CPNE1: variants seen among roughly 807,000 people sequenced by gnomAD.
CPNE1 encodes copine-1.
In CPNE1, 58 loss-of-function variants were observed where a neutral mutation model predicts 63.2. The observed-to-expected ratio is 0.92, with a 90% confidence interval of 0.74 to 1.14. The LOEUF (loss-of-function observed/expected upper bound fraction) is 1.14, where lower values mean the gene tolerates loss of function less well. Ranked by LOEUF, CPNE1 falls within the 50% of genes most tolerant of loss-of-function variation. CPNE1 has a pLI of 0.00. For synonymous variants in CPNE1, 237 were observed against 249.0 expected (o/e 0.95, Z 0.45); for missense variants, 672 against 661.7 (o/e 1.02, Z -0.17).
intron 1 of CPNE1, chr20:35,655,462 G>A: frequency 2.4e-6 from 2 of 819,942 alleles, no homozygotes; most frequent in Non-Finnish European, 3.7e-6. Context: ...AGCTATCACA[G>A]GCAATGTCTT....
chr20:35,646,252 CAAAAAAAAAAAAAA>C (rs549372063), intron 1 of CPNE1, among the ~76,000 whole-genome samples: 100 of 58,364 alleles, frequency 1.7e-3, no homozygotes, highest in Non-Finnish European at 2.9e-3. Flanking sequence ...AAGACCATCT[CAAAAAAAAAAAAAA>C]AAAAAAAAAA....
intron 1 of CPNE1, among the ~76,000 whole-genome samples, chr20:35,633,614 C>T (rs1294269819): frequency 6.6e-6 from 1 of 152,172 alleles, no homozygotes; most frequent in Non-Finnish European, 1.5e-5. Context: ...CCCATGTCCA[C>T]CCCAACAGGC....
intron 1 of CPNE1, among the ~76,000 whole-genome samples, chr20:35,641,835 A>T (rs1348822742): frequency 2.0e-5 from 3 of 152,246 alleles, no homozygotes; most frequent in Non-Finnish European, 4.4e-5. Context: ...CTCCTGCCAC[A>T]CAGCATATAC....
At chr20:35,637,561 G>A (rs2032557651) in intron 1 of CPNE1, among the ~76,000 whole-genome samples, 1 of 151,872 alleles carries the variant, frequency 6.6e-6, no homozygotes, top group African/African-American at 2.4e-5. Context: ...GTTCTAATAT[G>A]ACATTATTCC....
At chr20:35,647,897 GA>G (rs11481740) in intron 1 of CPNE1, among the ~76,000 whole-genome samples, 7,115 of 98,692 alleles carry the variant, frequency 0.072, 435 homozygotes, top group African/African-American at 0.2. Context: ...TACTAAAAAT[GA>G]AAAAAAAAAA....
chr20:35,654,768 G>T (rs1236794658), intron 1 of CPNE1: 1 of 1,613,874 alleles, frequency 6.2e-7, no homozygotes, highest in South Asian at 1.1e-5. Flanking sequence ...GTGGCGGCGG[G>T]ACTGTGTTCA....
rs558686471 is a variant in CPNE1, at chr20:35,652,399, T to C, written c.-1+12361A>G. On this transcript the variant is annotated intron_variant, in intron 1 of 15. Transcript: ENST00000397443. ...AACAGTCAACCAATGCTCTATGTTA[T>C]GGAAACCAAGCTATATGCAATTGAA... 6.2e-5 allele frequency: 73 copies of C among 1,169,932 alleles called. No individual in the cohort carries two copies. The South Asian group carries it at 1.0e-3, about 16-fold the overall frequency. 72.5% of individuals were successfully genotyped at this position (1,169,932 alleles called of 1,614,324 possible).
At chr20:35,644,591 A>ATAATCTGTCCTAAGTCACATAACTT (rs1400532860) in intron 1 of CPNE1, among the ~76,000 whole-genome samples, 1 of 152,228 alleles carries the variant, frequency 6.6e-6, no homozygotes, top group African/African-American at 2.4e-5. Context: ...CCAGAGGGAA[A>ATAATCTGTCCTAAGTCACATAACTT]TAATCTGTCC....
At chr20:35,651,844 C>CA (rs1036146479) in intron 1 of CPNE1, 5 of 152,520 alleles carry the variant, frequency 3.3e-5, no homozygotes, top group Non-Finnish European at 7.4e-5. Context: ...CATTAGAAAT[C>CA]AAAGTTTGAG....
intron 1 of CPNE1, among the ~76,000 whole-genome samples, chr20:35,635,677 C>T (rs1387222941): frequency 6.6e-6 from 1 of 152,188 alleles, no homozygotes; most frequent in Non-Finnish European, 1.5e-5. Flanking sequence ...GAGGTCAGAT[C>T]TTTCACTGAG....
chr20:35,640,591 C>T (rs1568920888), intron 1 of CPNE1, among the ~76,000 whole-genome samples: 1 of 152,144 alleles, frequency 6.6e-6, no homozygotes, highest in Non-Finnish European at 1.5e-5. Flanking sequence ...GTTGAAGTCA[C>T]AGACATTCCC....
chr20:35,633,942 AG>A (rs560812026), intron 1 of CPNE1, among the ~76,000 whole-genome samples: 99 of 123,648 alleles, frequency 8.0e-4, no homozygotes, highest in African/African-American at 2.8e-3. Flanking sequence ...CTGGGCAACA[AG>A]AGCAAGATTC....
chr20:35,658,331 GCTA>G (rs541515347), intron 1 of CPNE1, among the ~76,000 whole-genome samples: 2 of 152,140 alleles, frequency 1.3e-5, no homozygotes, highest in Non-Finnish European at 2.9e-5. Context: ...AGTCTAAAAT[GCTA>G]CTAAGGAATA....
At chr20:35,654,746 TTGG>T (rs774733595) in intron 1 of CPNE1, 15 of 1,613,546 alleles carry the variant, frequency 9.3e-6, no homozygotes, top group Non-Finnish European at 1.3e-5. Flanking sequence ...ATCGCTGGAA[TTGG>T]AGGAATTGGT....
chr20:35,628,311 A>T (rs531259758), intron 13 of CPNE1, among the ~76,000 whole-genome samples: 60 of 137,880 alleles, frequency 4.4e-4, no homozygotes, highest in African/African-American at 1.0e-3. Flanking sequence ...AAAATAAATT[A>T]AAAAAAAAAA....
intron 1 of CPNE1, among the ~76,000 whole-genome samples, chr20:35,636,433 C>T (rs1402614762): frequency 6.6e-6 from 1 of 152,170 alleles, no homozygotes; most frequent in Admixed American, 6.6e-5. Context: ...AAATATGATA[C>T]ATCTGAACAA....
chr20:35,648,371 A>G lies in CPNE1; in HGVS notation c.1-15448T>C, dbSNP rs566794245. Among the ~76,000 whole-genome samples the G allele has an allele frequency of 3.2e-3, 487 of 152,318 alleles. 3 individuals carry two copies. Among genetic ancestry groups the G allele is most frequent in the Non-Finnish European group, 4.6e-3 (313 of 68,030 alleles). On this transcript the variant is annotated intron_variant, in intron 1 of 15. Coordinates refer to ENST00000397443, the MANE Select transcript of CPNE1 (RefSeq NM_152925.3). ...TAGTTGATAAACTATTTCTTGCTGT[A>G]AAACACTGGAAAGCAGGTAACAATG...
rs777421520 is a variant in CPNE1 at position 35,637,133 on chromosome 20, C to A, written c.1-4210G>T. On this transcript the variant is annotated intron_variant, in intron 1 of 15. Transcript: ENST00000397443. ...AATCTTCTTGACTGTTCATTCTAAGCCCAAAGCCTCCACTTCCAGTTCAAC... is the reference window on the plus strand; with the variant it reads ...AATCTTCTTGACTGTTCATTCTAAGACCAAAGCCTCCACTTCCAGTTCAAC... Among the ~76,000 whole-genome samples, 5 of 152,150 alleles carry A rather than the reference C, an allele frequency of 3.3e-5. No homozygotes were observed. In the East Asian group the frequency reaches 7.7e-4, roughly 23 times the overall value.
chr20:35,646,474 C>T (rs561996322), intron 1 of CPNE1, among the ~76,000 whole-genome samples: 105 of 150,934 alleles, frequency 7.0e-4, no homozygotes, highest in African/African-American at 2.4e-3. Context: ...CCTCCCACCT[C>T]GGCCTCCCAA....
Sources: allele counts gnomAD v4.1 joint callset (sites outside exome capture counted in the v4.1 genomes callset), GRCh38; gene constraint gnomAD v4.1.1; transcripts MANE v1.5; gene names NCBI Gene and HGNC (gene_info 2026-07-23, HGNC 2026-07-21).